The following KLF12 variants were observed in gnomAD, a reference collection of about 807,000 sequenced individuals.
The protein encoded by KLF12 is KLF transcription factor 12.
In KLF12, 9 loss-of-function variants were observed where a neutral mutation model predicts 37.8. That is an observed-to-expected ratio of 0.24 (90% CI 0.14 to 0.42). The LOEUF is 0.42. Among genes scored for constraint, KLF12 ranks in the 10% least tolerant of loss-of-function variants. The pLI, the probability that KLF12 is intolerant of heterozygous loss-of-function variation, is 1.00. For missense variants in KLF12, 411 were observed against 516.0 expected, an observed-to-expected ratio of 0.80 and a Z score of 1.97; for synonymous variants, 208 against 202.1, an observed-to-expected ratio of 1.03 and a Z score of -0.25.
the KLF12 span, among the ~76,000 whole-genome samples, chr13:74,201,266 C>T: frequency 6.6e-6 from 1 of 152,112 alleles, no homozygotes; most frequent in Non-Finnish European, 1.5e-5. Flanking sequence ...CAGTCTAAAC[C>T]TTTGGCAGCA....
the KLF12 span, among the ~76,000 whole-genome samples, chr13:74,287,591 A>G: frequency 6.6e-6 from 1 of 152,202 alleles, no homozygotes; most frequent in Admixed American, 6.5e-5. Context: ...GAACTTCAGT[A>G]TGTTAGATTT....
chr13:73,764,977 C>T lies in KLF12; in HGVS notation c.830G>A (p.Arg277Lys). ...ATTATTCATTCGATTGCCCCGGACC[C>T]TTGATACTGGGGACGGATGTACCCT... The change falls in exon 6 of 8, where the codon AGG (arginine) becomes AAG (lysine). Residue 277 changes from arginine (R) to lysine (K), a missense_variant. Physicochemically the swap from Arg to Lys is conservative, Grantham distance 26. This residue lies in a region of KLF12 where 351 missense variants were observed against 397.8 expected (regional missense o/e 0.88). Coordinates refer to ENST00000377669, the MANE Select transcript of KLF12 (RefSeq NM_007249.5). The T allele has an allele frequency of 1.3e-6, 2 of 1,574,674 alleles. No homozygotes were observed. Among genetic ancestry groups the T allele is most frequent in the Non-Finnish European group, 1.7e-6 (2 of 1,144,608 alleles).
Position 73,813,270 on chromosome 13 carries a change from C to T in KLF12, c.688G>A (p.Gly230Ser), listed in dbSNP as rs1462483269. 6.2e-6 allele frequency: 10 copies of T among 1,613,914 alleles called. No individual in the cohort carries two copies. The highest frequency in any genetic ancestry group is 8.5e-6 in the Non-Finnish European group (10 of 1,179,904). The change falls in exon 5 of 8, where the codon GGC becomes AGC. Residue 230 changes from glycine (G) to serine (S), a missense_variant. Gly to Ser is a moderately conservative substitution (Grantham distance 56). Coordinates refer to ENST00000377669, the MANE Select transcript of KLF12 (RefSeq NM_007249.5). The stretch of plus-strand genomic sequence containing the variant: ...CTTTTACTTTGTCTGGGAGATAGGC[C>T]TCGGGGGTCCATTTGTGCTGGAGAG...
At chr13:74,026,994 T>C (rs577378514) in intron 1 of KLF12, among the ~76,000 whole-genome samples, 1 of 151,956 alleles carries the variant, frequency 6.6e-6, no homozygotes, top group South Asian at 2.1e-4. Context: ...GAAGTGCAAA[T>C]TCACACGGTG....
chr13:73,824,669 T>C (rs79695510), intron 4 of KLF12, among the ~76,000 whole-genome samples: 1,656 of 152,360 alleles, frequency 0.011, 35 homozygotes, highest in African/African-American at 0.037. Flanking sequence ...AAAAATTTAC[T>C]CTGTAAAATT....
intron 3 of KLF12, among the ~76,000 whole-genome samples, chr13:73,869,644 GCTGAGTATATA>G: frequency 6.6e-6 from 1 of 151,642 alleles, no homozygotes; most frequent in East Asian, 1.9e-4. Context: ...ACAGTTATAT[GCTGAGTATATA>G]TAATATACTC....
chr13:74,060,490 G>GTGTGTGTGTGTGCGTC (rs1873517984), intron 1 of KLF12, among the ~76,000 whole-genome samples: 2 of 98,564 alleles, frequency 2.0e-5, no homozygotes, highest in African/African-American at 7.0e-5. Context: ...GGTTTTGTGT[G>GTGTGTGTGTGTGCGTC]TGTGTGTGTG....
At chr13:73,779,942 T>C (rs535347914) in intron 5 of KLF12, among the ~76,000 whole-genome samples, 2 of 152,294 alleles carry the variant, frequency 1.3e-5, no homozygotes, top group African/African-American at 4.8e-5. Flanking sequence ...CTAGATGCCA[T>C]TAAGAACATA....
intron 5 of KLF12, among the ~76,000 whole-genome samples, chr13:73,809,455 A>G (rs73216746): frequency 0.34 from 50,892 of 151,714 alleles, 8,942 homozygotes; most frequent in East Asian, 0.64. Context: ...AAGCAGAAAG[A>G]GAAGTTCGCA....
the KLF12 span, among the ~76,000 whole-genome samples, chr13:74,154,566 C>G: frequency 2.6e-5 from 4 of 152,180 alleles, no homozygotes; most frequent in African/African-American, 9.7e-5. Context: ...GGGAGTTTAG[C>G]CTGTCCTAGA....
chr13:74,288,189 C>T, the KLF12 span, among the ~76,000 whole-genome samples: 6 of 152,142 alleles, frequency 3.9e-5, no homozygotes, highest in Non-Finnish European at 5.9e-5. Context: ...TGAGAGTTAC[C>T]GCAAAAGAAG....
intron 1 of KLF12, among the ~76,000 whole-genome samples, chr13:74,085,328 G>A (rs1216910501): frequency 4.6e-5 from 7 of 152,102 alleles, no homozygotes; most frequent in Non-Finnish European, 8.8e-5. Flanking sequence ...TCCACAGTTC[G>A]GAGGTTCTTT....
At chr13:73,959,124 C>CAAAAAAAAAA (rs66521656) in intron 2 of KLF12, among the ~76,000 whole-genome samples, 5 of 86,838 alleles carry the variant, frequency 5.8e-5, no homozygotes, top group Non-Finnish European at 1.2e-4. Flanking sequence ...ACCCCCCTTC[C>CAAAAAAAAAA]AAAAAAAAAC....
intron 7 of KLF12, among the ~76,000 whole-genome samples, chr13:73,708,922 C>T (rs1191957183): frequency 6.6e-6 from 1 of 152,158 alleles, no homozygotes; most frequent in Non-Finnish European, 1.5e-5. Flanking sequence ...CAGAGACCCA[C>T]AATTTAGACA....
chr13:74,298,941 G>A, the KLF12 span, among the ~76,000 whole-genome samples: 1 of 152,100 alleles, frequency 6.6e-6, no homozygotes, highest in East Asian at 1.9e-4. Context: ...TACTATATTT[G>A]TCCAAAGATT....
At chr13:73,873,142 T>C (rs1330744597) in intron 3 of KLF12, among the ~76,000 whole-genome samples, 6 of 152,042 alleles carry the variant, frequency 3.9e-5, no homozygotes, top group Non-Finnish European at 7.4e-5. Flanking sequence ...TTTATATATA[T>C]ATATAAACAA....
the KLF12 span, among the ~76,000 whole-genome samples, chr13:74,241,668 G>A: frequency 6.6e-6 from 1 of 152,220 alleles, no homozygotes; most frequent in South Asian, 2.1e-4. Flanking sequence ...CGTTTTTTAA[G>A]CCCGTCGGAA....
At chr13:74,249,182 A>G in the KLF12 span, among the ~76,000 whole-genome samples, 5 of 152,108 alleles carry the variant, frequency 3.3e-5, no homozygotes, top group South Asian at 1.0e-3. Flanking sequence ...TAAAATGGCA[A>G]TAGTAATATC....
the KLF12 span, among the ~76,000 whole-genome samples, chr13:74,265,720 C>T: frequency 1.3e-5 from 2 of 152,122 alleles, no homozygotes; most frequent in South Asian, 4.1e-4. Context: ...CCTTCATTTC[C>T]TGTGTGTTCT....
Sources: allele counts gnomAD v4.1 joint callset (sites outside exome capture counted in the v4.1 genomes callset), GRCh38; gene constraint gnomAD v4.1.1; regional missense constraint gnomAD v4.1.1; transcripts MANE v1.5; gene names NCBI Gene and HGNC (gene_info 2026-07-23, HGNC 2026-07-21).